Variants in EXOC2 observed in about 807,000 individuals in gnomAD.
The protein encoded by EXOC2 is SEC5-like 1.
A neutral mutation model predicts 131.8 loss-of-function variants in EXOC2; 70 were observed. The observed-to-expected ratio is 0.53, with a 90% CI of 0.44 to 0.65. EXOC2 has a LOEUF of 0.65. Ranked by LOEUF, EXOC2 falls within the 30% of genes least tolerant of loss-of-function variation. EXOC2 has a pLI of 0.00. For synonymous variants in EXOC2, 411 were observed against 398.4 expected (o/e 1.03, Z -0.38); for missense variants, 923 against 1,108.6 (o/e 0.83, Z 2.38).
intron 18 of EXOC2, 32 bp downstream of exon 18, chr6:556,452 A>T: frequency 6.2e-7 from 1 of 1,608,456 alleles, no homozygotes; most frequent in Non-Finnish European, 8.5e-7. Flanking sequence ...CTCCCTGGGA[A>T]ACTGGAGTCC....
intron 1 of EXOC2, among the ~76,000 whole-genome samples, chr6:665,201 A>T (rs1763587034): frequency 6.6e-6 from 1 of 152,250 alleles, no homozygotes; most frequent in Non-Finnish European, 1.5e-5. Context: ...ATCACTAATG[A>T]TCAGGGAAAT....
At chr6:563,955 A>C in intron 16 of EXOC2, 78 bp downstream of exon 16, 1 of 1,530,420 alleles carries the variant, frequency 6.5e-7, no homozygotes, top group Non-Finnish European at 8.8e-7. Context: ...CTTGTTTTCA[A>C]GGATTTGGAC....
intron 11 of EXOC2, among the ~76,000 whole-genome samples, chr6:584,689 T>G (rs764380117): frequency 3.6e-4 from 55 of 152,374 alleles, no homozygotes; most frequent in South Asian, 6.2e-4. Context: ...AAATGTCTTT[T>G]CTTCTGCTCT....
intron 11 of EXOC2, among the ~76,000 whole-genome samples, chr6:578,951 A>ATACT (rs1025726475): frequency 2.0e-5 from 3 of 152,194 alleles, no homozygotes; most frequent in African/African-American, 7.2e-5. Flanking sequence ...ATTTTCTAAC[A>ATACT]TACTTTAAAG....
Position 623,262 on chromosome 6 carries a change from C to G in EXOC2, c.423-3719G>C, listed in dbSNP as rs79591765. 3.8e-3 allele frequency among the ~76,000 whole-genome samples: 574 copies of G among 152,290 alleles called. 3 individuals carry two copies. The highest frequency in any genetic ancestry group is 0.013 in the African/African-American group (551 of 41,550). On this transcript the variant is annotated intron_variant, in intron 4 of 27. Coordinates refer to ENST00000230449, the MANE Select transcript of EXOC2 (RefSeq NM_018303.6). ...GGAGCTGGATTCTGAGATTCGAGCC[C>G]CACCCACCCGCCAGCACCCCTACCC... is the stretch of plus-strand genomic sequence containing the variant.
intron 3 of EXOC2, among the ~76,000 whole-genome samples, chr6:631,412 C>T (rs1041246030): frequency 9.2e-5 from 14 of 152,088 alleles, no homozygotes; most frequent in African/African-American, 3.1e-4. Context: ...GTGGCACGCA[C>T]CTGTAATCCC....
intron 1 of EXOC2, among the ~76,000 whole-genome samples, chr6:673,798 T>A (rs1235074299): frequency 6.6e-6 from 1 of 152,180 alleles, no homozygotes; most frequent in Admixed American, 6.5e-5. Context: ...TTAAAAAGTA[T>A]GAAATATTGC....
intron 14 of EXOC2, 27 bp from the exon 15 acceptor site, chr6:564,729 G>A (rs571688506): frequency 5.3e-5 from 83 of 1,578,690 alleles, no homozygotes; most frequent in Middle Eastern, 5.1e-4. Context: ...AAGCATAACC[G>A]TGTTCAAATG....
chr6:572,669 T>C (rs1332565469), intron 12 of EXOC2, 25 bp from the exon 13 acceptor site: 1 of 1,606,540 alleles, frequency 6.2e-7, no homozygotes, highest in Non-Finnish European at 8.5e-7. Context: ...AATAAAATAC[T>C]ATGATTGTAC....
chr6:510,282 A>AT (rs1389502540), intron 23 of EXOC2, among the ~76,000 whole-genome samples: 1 of 151,986 alleles, frequency 6.6e-6, no homozygotes, highest in African/African-American at 2.4e-5. Context: ...CCTAAAGTGG[A>AT]TTTTTTCAAT....
chr6:656,114 G>A (rs1763064927), intron 1 of EXOC2: 4 of 1,597,006 alleles, frequency 2.5e-6, no homozygotes, highest in African/African-American at 1.3e-5. Flanking sequence ...ATTTTTACAA[G>A]GCAGGAATGA....
chr6:656,619 C>T, intron 1 of EXOC2: 10 of 1,601,922 alleles, frequency 6.2e-6, no homozygotes, highest in Non-Finnish European at 7.7e-6. Context: ...GAGGGAGGGG[C>T]GGCGCTTGTG....
rs368734077 is a variant in EXOC2 at position 489,045 on chromosome 6, C to CACAA, written c.2622-11_2622-8dup. The CACAA allele has an allele frequency of 1.2e-4, 187 of 1,613,598 alleles. No homozygotes were observed. In the African/African-American group the frequency reaches 2.1e-3, roughly 18 times the overall value. ...AGCCTGCTTAAAACTTGACCTGAAA[C>CACAA]ACAAACAGCCACACTGAAGTTGAAG... On this transcript the variant is annotated splice_region_variant and splice_polypyrimidine_tract_variant and intron_variant, in intron 26 of 27. Coordinates refer to ENST00000230449, the MANE Select transcript of EXOC2 (RefSeq NM_018303.6).
At position 565,187 on chromosome 6, in the gene EXOC2, G is replaced by A. The variant is rs925256042; in HGVS notation, c.1444-258C>T. On this transcript the variant is annotated intron_variant, in intron 13 of 27. Coordinates refer to ENST00000230449, the MANE Select transcript of EXOC2 (RefSeq NM_018303.6). Reference sequence around the variant, plus strand: ...ATCCAAGAATTAAGTTGAAACTACCGATTTTACAGGTGAATTTCATCTACC... The same window carrying A: ...ATCCAAGAATTAAGTTGAAACTACCAATTTTACAGGTGAATTTCATCTACC... Among the ~76,000 whole-genome samples the A allele has an allele frequency of 5.3e-5, 8 of 152,266 alleles. No individual in the cohort carries two copies. In the East Asian group the frequency reaches 5.8e-4, roughly 11 times the overall value.
intron 6 of EXOC2, among the ~76,000 whole-genome samples, chr6:613,569 C>T (rs147510020): frequency 1.7e-3 from 260 of 152,326 alleles, no homozygotes; most frequent in Non-Finnish European, 2.5e-3. Context: ...CCAATGTTTC[C>T]ATAACCATCT....
At chr6:536,678 A>T (rs1766461985) in intron 22 of EXOC2, among the ~76,000 whole-genome samples, 1 of 152,238 alleles carries the variant, frequency 6.6e-6, no homozygotes, top group Non-Finnish European at 1.5e-5. Flanking sequence ...ACAATGCAAT[A>T]TTGGCATAAG....
In EXOC2 at chr6:576,321, A is replaced by C. The variant is rs1417223044; in HGVS notation, c.1318+436T>G. 3.9e-5 allele frequency among the ~76,000 whole-genome samples: 6 copies of C among 152,216 alleles called. No individual in the cohort carries two copies. In the East Asian group the frequency reaches 1.2e-3, roughly 29 times the overall value. On this transcript the variant is annotated intron_variant, in intron 12 of 27. Coordinates refer to ENST00000230449, the MANE Select transcript of EXOC2 (RefSeq NM_018303.6). ...TTTTAGATGCTTCATCTTAGGAAAA[A>C]TTATTAGCAAGTATTTTATGGTTAA...
intron 1 of EXOC2, among the ~76,000 whole-genome samples, chr6:671,442 G>T (rs1459786861): frequency 6.6e-6 from 1 of 151,860 alleles, no homozygotes; most frequent in Non-Finnish European, 1.5e-5. Flanking sequence ...ATGAATGTGG[G>T]GTGTAGGTGC....
chr6:685,867 C>CTTTTTTTTTTTTTTT (rs1491058770), intron 1 of EXOC2, among the ~76,000 whole-genome samples: 2 of 121,426 alleles, frequency 1.6e-5, no homozygotes, highest in Admixed American at 1.7e-4. Flanking sequence ...TTTCCTGGAC[C>CTTTTTTTTTTTTTTT]TCTTTTTTTT....
Sources: gnomAD v4.1 joint callset for allele counts (sites outside exome capture counted in the v4.1 genomes callset) on GRCh38, gnomAD v4.1.1 for gene constraint, MANE v1.5 for transcripts, NCBI Gene and HGNC (gene_info 2026-07-23, HGNC 2026-07-21) for gene names.